The following NUP160 variants were observed in gnomAD, a reference collection of about 807,000 sequenced individuals.
The protein encoded by NUP160 is nuclear pore complex protein Nup160.
Under a neutral mutation model 196.9 loss-of-function variants are expected in NUP160, and 94 were observed. The ratio of observed to expected loss-of-function variants is 0.48; its 90% confidence interval spans 0.40 to 0.57. The LOEUF is 0.57. NUP160 is among the 20% of genes least tolerant of loss of function. The probability of loss-of-function intolerance (pLI) is 0.00; values close to 1 mark genes in which losing one functional copy is unlikely to be tolerated. For missense variants in NUP160, 1,638 were observed against 1,748.3 expected (o/e 0.94, Z 1.13); for synonymous variants, 605 against 619.7 (o/e 0.98, Z 0.35).
intron 13 of NUP160, among the ~76,000 whole-genome samples, chr11:47,813,814 G>T (rs987494823): frequency 3.3e-5 from 5 of 151,968 alleles, no homozygotes; most frequent in African/African-American, 4.8e-5. Context: ...GCTCACGCCT[G>T]TAATCCCAGC....
chr11:47,822,263 T>A, intron 7 of NUP160, 99 bp from the exon 8 acceptor site: 7 of 728,016 alleles, frequency 9.6e-6, no homozygotes, highest in African/African-American at 1.8e-5. Flanking sequence ...AAAAAAAAAT[T>A]TTTTTTTTTT....
intron 34 of NUP160, among the ~76,000 whole-genome samples, chr11:47,782,304 ATATATATATATAT>A (rs1344038255): frequency 0.045 from 2,330 of 52,112 alleles, 312 homozygotes; most frequent in African/African-American, 0.052. Flanking sequence ...AAAAAAAAAA[ATATATATATATAT>A]ATATATATAT....
At chr11:47,792,682 A>G in intron 28 of NUP160, 104 bp downstream of exon 28, 1 of 1,142,712 alleles carries the variant, frequency 8.8e-7, no homozygotes, top group South Asian at 1.7e-5. Context: ...GAAATTGTAA[A>G]TCAAAAGAAG....
At chr11:47,801,994 G>T in intron 22 of NUP160, 64 bp from the exon 23 acceptor site, 2 of 1,547,868 alleles carry the variant, frequency 1.3e-6, no homozygotes, top group Non-Finnish European at 1.8e-6. Context: ...CTATGAATCA[G>T]GGGTTCACAT....
At chr11:47,848,244 A>G (rs1377654170) in exon 1 of NUP160, 4 of 1,614,008 alleles carry the variant, frequency 2.5e-6, no homozygotes, top group Non-Finnish European at 3.4e-6. Flanking sequence ...TGAATTCCCG[A>G]AAGTGCCTCG....
chr11:47,793,000 T>C lies in NUP160; in HGVS notation c.3290-54A>G, dbSNP rs569356403. 190 of 1,522,824 alleles carry C rather than the reference T, an allele frequency of 1.2e-4. 2 individuals carry two copies. Among genetic ancestry groups the C allele is most frequent in the Middle Eastern group, 7.0e-4 (4 of 5,716 alleles). The allele number at this position is 1,522,824 out of a possible 1,614,324, so 94.3% of individuals were successfully genotyped here. Reference sequence around the variant, plus strand: ...GAACTTCCAAATTTTTTTTTCTTTTTTTTGGAGACAGAGTCTTGCTCTGTC... The same window carrying C: ...GAACTTCCAAATTTTTTTTTCTTTTCTTTGGAGACAGAGTCTTGCTCTGTC... On this transcript the variant is annotated intron_variant, in intron 27 of 35. Transcript: ENST00000378460.
chr11:47,848,518 G>A (rs1852455703), upstream of NUP160: 1 of 955,176 alleles, frequency 1.0e-6, no homozygotes, highest in Admixed American at 2.8e-5. Flanking sequence ...GGGGGCAGGG[G>A]AGGCAGACTC....
intron 23 of NUP160, among the ~76,000 whole-genome samples, chr11:47,799,606 C>T (rs1292863793): frequency 6.6e-6 from 1 of 151,882 alleles, no homozygotes; most frequent in African/African-American, 2.4e-5. Flanking sequence ...AGTGCAGTGG[C>T]ATGATCATAG....
chr11:47,807,003 A>C (rs2135369226), intron 19 of NUP160, 67 bp downstream of exon 19: 1 of 1,181,392 alleles, frequency 8.5e-7, no homozygotes, highest in Non-Finnish European at 1.2e-6. Flanking sequence ...GTGGCAAAAG[A>C]CCACTTTAAT....
chr11:47,835,541 A>G (rs1387201142), intron 7 of NUP160, 110 bp downstream of exon 7: 1 of 840,560 alleles, frequency 1.2e-6, no homozygotes, highest in East Asian at 3.0e-5. Flanking sequence ...TCACCTCAGA[A>G]ACACATCTAG....
At chr11:47,824,362 T>C (rs1851925325) in intron 7 of NUP160, among the ~76,000 whole-genome samples, 1 of 151,876 alleles carries the variant, frequency 6.6e-6, no homozygotes, top group Admixed American at 6.6e-5. Flanking sequence ...TCTCAGCACT[T>C]TGGGAGGCCG....
At chr11:47,804,489 A>T (rs1180844109) in intron 21 of NUP160, 60 bp downstream of exon 21, 1 of 1,158,910 alleles carries the variant, frequency 8.6e-7, no homozygotes, top group Non-Finnish European at 1.2e-6. Context: ...CAAAGAAAAA[A>T]ATTCAGCAAT....
intron 6 of NUP160, among the ~76,000 whole-genome samples, chr11:47,836,683 A>G (rs1852182406): frequency 1.3e-5 from 2 of 152,330 alleles, no homozygotes; most frequent in Middle Eastern, 6.8e-3. Flanking sequence ...TGTTAGGTTG[A>G]TAATTTTTCC....
intron 7 of NUP160, among the ~76,000 whole-genome samples, chr11:47,830,993 G>T (rs1852062581): frequency 6.6e-6 from 1 of 152,038 alleles, no homozygotes; most frequent in Admixed American, 6.6e-5. Context: ...GTGAAACCCC[G>T]TCTCTACAAA....
intron 29 of NUP160, among the ~76,000 whole-genome samples, chr11:47,789,299 C>T (rs1238994774): frequency 6.6e-6 from 1 of 152,186 alleles, no homozygotes; most frequent in African/African-American, 2.4e-5. Flanking sequence ...TGAGCCACTG[C>T]ACCTGGCCTC....
At chr11:47,797,568 G>A (rs2097671572) in intron 27 of NUP160, among the ~76,000 whole-genome samples, 1 of 152,104 alleles carries the variant, frequency 6.6e-6, no homozygotes, top group Non-Finnish European at 1.5e-5. Context: ...TACAGAAGAT[G>A]CACACAGAAT....
chr11:47,810,529 G>A (rs940146605), intron 17 of NUP160, among the ~76,000 whole-genome samples: 3 of 150,968 alleles, frequency 2.0e-5, no homozygotes, highest in Admixed American at 1.3e-4. Context: ...CATTAGCGAT[G>A]TATCTGGGTT....
intron 10 of NUP160, 111 bp from the exon 11 acceptor site, chr11:47,818,235 C>T: frequency 1.4e-6 from 1 of 693,178 alleles, no homozygotes; most frequent in Non-Finnish European, 2.6e-6. Flanking sequence ...TTTTGCCCTT[C>T]TATATGTGGG....
chr11:47,823,052 C>T (rs1015351785), intron 7 of NUP160, among the ~76,000 whole-genome samples: 51 of 152,154 alleles, frequency 3.4e-4, no homozygotes, highest in African/African-American at 1.2e-3. Context: ...GTCTTTATAG[C>T]AGCATGATTT....
Sources: gnomAD v4.1 joint callset for allele counts (sites outside exome capture counted in the v4.1 genomes callset) on GRCh38, gnomAD v4.1.1 for gene constraint, MANE v1.5 for transcripts, NCBI Gene and HGNC (gene_info 2026-07-23, HGNC 2026-07-21) for gene names.